The following ERGIC1 variants were observed in gnomAD, a reference collection of about 807,000 sequenced individuals.
ERGIC1 encodes the protein endoplasmic reticulum-Golgi intermediate compartment protein 1.
Under a neutral mutation model 38.3 loss-of-function variants are expected in ERGIC1, and 19 were observed. That is an observed-to-expected ratio of 0.50 (90% CI 0.35 to 0.73). The LOEUF is 0.73. Ranked by LOEUF, ERGIC1 falls within the 30% of genes least tolerant of loss-of-function variation. The probability of loss-of-function intolerance (pLI) is 0.01; values close to 1 mark genes in which losing one functional copy is unlikely to be tolerated. For synonymous variants in ERGIC1, 124 were observed against 157.6 expected (o/e 0.79, Z 1.60); for missense variants, 294 against 389.2 (o/e 0.76, Z 2.06).
At chr5:172,881,277 C>CT (rs1762277851) in intron 1 of ERGIC1, among the ~76,000 whole-genome samples, 1 of 152,086 alleles carries the variant, frequency 6.6e-6, no homozygotes, top group Non-Finnish European at 1.5e-5. Context: ...GTGAAACTGT[C>CT]TAAGTATCCA....
At chr5:172,876,623 C>T (rs940826994) in intron 1 of ERGIC1, among the ~76,000 whole-genome samples, 2 of 152,144 alleles carry the variant, frequency 1.3e-5, no homozygotes, top group African/African-American at 2.4e-5. Context: ...TGTCACATGT[C>T]TAAAGTGTAC....
chr5:172,927,923 A>G (rs1371768072), intron 7 of ERGIC1, among the ~76,000 whole-genome samples: 1 of 152,128 alleles, frequency 6.6e-6, no homozygotes, highest in Non-Finnish European at 1.5e-5. Flanking sequence ...TGATATGTAC[A>G]GGGTTGGCGC....
At chr5:172,934,811 G>T in intron 8 of ERGIC1, 1 of 296,398 alleles carries the variant, frequency 3.4e-6, no homozygotes, top group South Asian at 3.4e-5. Context: ...CACCACAGTG[G>T]AGGCGTTCAG....
At chr5:172,858,101 C>T (rs770629137) in intron 1 of ERGIC1, among the ~76,000 whole-genome samples, 5 of 152,246 alleles carry the variant, frequency 3.3e-5, no homozygotes, top group Non-Finnish European at 5.9e-5. Flanking sequence ...TCTAGGGGAT[C>T]GGGGGAACCT....
chr5:172,877,410 A>ATGTGTGTGTGTG (rs34909688), intron 1 of ERGIC1, among the ~76,000 whole-genome samples: 28 of 102,312 alleles, frequency 2.7e-4, no homozygotes, highest in African/African-American at 8.8e-4. Flanking sequence ...TATTATATAT[A>ATGTGTGTGTGTG]TGTGTGTGTG....
rs1763621994 is a variant in ERGIC1 at position 172,925,125 on chromosome 5, C to G, written c.480+1016C>G. ...TGGTGGCAGGCACCTGTGATCCCAGCTACTCAGGAGGCTGAGGCAGGAGAA... is the reference window on the plus strand; with the variant it reads ...TGGTGGCAGGCACCTGTGATCCCAGGTACTCAGGAGGCTGAGGCAGGAGAA... On this transcript the variant is annotated intron_variant, in intron 6 of 9. Coordinates refer to ENST00000393784, the MANE Select transcript of ERGIC1 (RefSeq NM_001031711.3). Among the ~76,000 whole-genome samples, 3 of 152,108 alleles carry G rather than the reference C, an allele frequency of 2.0e-5. No individual in the cohort carries two copies. In the South Asian group the frequency reaches 6.2e-4, roughly 32 times the overall value.
At chr5:172,948,900 A>G (rs943233874) in intron 9 of ERGIC1, among the ~76,000 whole-genome samples, 3 of 152,082 alleles carry the variant, frequency 2.0e-5, no homozygotes, top group Admixed American at 2.0e-4. Context: ...TAAAAATTAA[A>G]AAAAATTAGC....
At chr5:172,892,942 A>G (rs57943223) in intron 2 of ERGIC1, among the ~76,000 whole-genome samples, 3,271 of 152,096 alleles carry the variant, frequency 0.022, 111 homozygotes, top group African/African-American at 0.075. Flanking sequence ...TATTGTGTCC[A>G]CCTGCTGGGC....
intron 1 of ERGIC1, among the ~76,000 whole-genome samples, chr5:172,839,105 A>G (rs1761096405): frequency 6.6e-6 from 1 of 151,716 alleles, no homozygotes; most frequent in Non-Finnish European, 1.5e-5. Flanking sequence ...GCCGGGCTTG[A>G]TGGTACATAC....
chr5:172,867,078 G>T, intron 1 of ERGIC1: 1 of 435,050 alleles, frequency 2.3e-6, no homozygotes, highest in Non-Finnish European at 4.7e-6. Context: ...CAGTGGCCAT[G>T]CAGAGTCTTT....
At chr5:172,858,650 G>A (rs1267709743) in intron 1 of ERGIC1, among the ~76,000 whole-genome samples, 1 of 152,238 alleles carries the variant, frequency 6.6e-6, no homozygotes, top group Non-Finnish European at 1.5e-5. Flanking sequence ...CCGCTTCTGA[G>A]GACACGAGGA....
chr5:172,854,675 C>T (rs946036074), intron 1 of ERGIC1, among the ~76,000 whole-genome samples: 8 of 152,256 alleles, frequency 5.3e-5, no homozygotes, highest in African/African-American at 9.6e-5. Flanking sequence ...CCGCCTTGTT[C>T]CCTGAGCAGC....
Position 172,932,778 on chromosome 5 carries a change from A to C in ERGIC1, c.642+242A>C, listed in dbSNP as rs147526840. 136 of 529,708 alleles carry C rather than the reference A, an allele frequency of 2.6e-4. 2 individuals carry two copies. The East Asian group carries it at 4.2e-3, about 16-fold the overall frequency. The allele number at this position is 529,708 out of a possible 1,614,324, so 32.8% of individuals were successfully genotyped here. A position where few individuals can be genotyped will look rare whatever the true frequency, so the allele number is the denominator to read the frequency against. On this transcript the variant is annotated intron_variant, in intron 8 of 9. Coordinates refer to ENST00000393784, the MANE Select transcript of ERGIC1 (RefSeq NM_001031711.3). Reference sequence around the variant, plus strand: ...CAGGAGATAGGGTGTGATGCGTTTGACAAAGAGCAGGTAGTCTCTGTCCTA... The same window carrying C: ...CAGGAGATAGGGTGTGATGCGTTTGCCAAAGAGCAGGTAGTCTCTGTCCTA...
chr5:172,850,635 T>C (rs1166938487), intron 1 of ERGIC1, among the ~76,000 whole-genome samples: 1 of 152,144 alleles, frequency 6.6e-6, no homozygotes, highest in Non-Finnish European at 1.5e-5. Context: ...TGTTTTCTGC[T>C]ACAAATGGGG....
At chr5:172,849,440 C>T (rs1251767547) in intron 1 of ERGIC1, among the ~76,000 whole-genome samples, 3 of 152,122 alleles carry the variant, frequency 2.0e-5, no homozygotes, top group African/African-American at 4.8e-5. Flanking sequence ...ATGTTCCCAG[C>T]GTAACTCTGG....
rs1272628425 is a variant in ERGIC1, at chr5:172,926,225, T to G, written c.481-284T>G. Among the ~76,000 whole-genome samples the G allele has an allele frequency of 2.6e-5, 4 of 152,348 alleles. No individual in the cohort carries two copies. The highest frequency in any genetic ancestry group is 4.1e-4 in the South Asian group (2 of 4,824). On this transcript the variant is annotated intron_variant, in intron 6 of 9. Transcript: ENST00000393784. This position sits in a 1 kb window ranked among gnomAD's most constrained non-coding sequence, Gnocchi z 5.2. ...CTTTCCAAGCCTTGATTTGCTCTTC[T>G]GTAAAATGGGCCCAATAATACATCA... is the stretch of plus-strand genomic sequence containing the variant.
Position 172,893,941 on chromosome 5 carries a change from A to ATATATATATATG in ERGIC1, c.83-3050_83-3049insGTATATATATAT, listed in dbSNP as rs1561722004. ...TGTGTGTGTGTGTGTGTGTGTATAT[A>ATATATATATATG]TATATATATATATTTAAATGTCCAT... On this transcript the variant is annotated intron_variant, in intron 2 of 9. Transcript: ENST00000393784. Among the ~76,000 whole-genome samples, 25 of 38,664 alleles carry ATATATATATATG rather than the reference A, an allele frequency of 6.5e-4. 1 individual carries two copies. The highest frequency in any genetic ancestry group is 1.4e-3 in the African/African-American group (22 of 15,446). The allele number at this position is 38,664 out of a possible 152,430, so 25.4% of individuals were successfully genotyped here.
At position 172,926,888 on chromosome 5, in the gene ERGIC1, C is replaced by T. The variant is rs1763663776; in HGVS notation, c.541+319C>T. The T allele has an allele frequency of 1.2e-5, 4 of 336,910 alleles. No homozygotes were observed. The South Asian group carries it at 1.3e-4, about 11-fold the overall frequency. 20.9% of individuals were successfully genotyped at this position (336,910 alleles called of 1,614,324 possible). On this transcript the variant is annotated intron_variant, in intron 7 of 9. Coordinates refer to ENST00000393784, the MANE Select transcript of ERGIC1 (RefSeq NM_001031711.3). The surrounding 1 kb of genome is among the most constrained non-coding windows in gnomAD (Gnocchi z 5.2). ...CTTAGTTGAACTAATTACCTAAGATCCCACAGGGAGCTATGGCAGAACCAG... is the reference window on the plus strand; with the variant it reads ...CTTAGTTGAACTAATTACCTAAGATTCCACAGGGAGCTATGGCAGAACCAG...
At chr5:172,888,967 G>A (rs1762490429) in intron 2 of ERGIC1, among the ~76,000 whole-genome samples, 1 of 152,176 alleles carries the variant, frequency 6.6e-6, no homozygotes, top group South Asian at 2.1e-4. Context: ...GCACCATCTG[G>A]AAGGACATGA....
Sources: gnomAD v4.1 joint callset for allele counts (sites outside exome capture counted in the v4.1 genomes callset) on GRCh38, gnomAD v4.1.1 for gene constraint, Gnocchi (gnomAD v3.1) non-coding constraint, MANE v1.5 for transcripts, NCBI Gene and HGNC (gene_info 2026-07-23, HGNC 2026-07-21) for gene names.